The following BCL2L11 variants were observed in gnomAD, a reference collection of about 807,000 sequenced individuals.
BCL2L11 encodes the protein bcl-2-like protein 11.
A neutral mutation model predicts 20.6 loss-of-function variants in BCL2L11; 15 were observed. The ratio of observed to expected loss-of-function variants is 0.73; its 90% CI spans 0.49 to 1.12. BCL2L11 has a LOEUF of 1.12. BCL2L11 is among the 50% of genes most tolerant of loss of function. BCL2L11 has a pLI of 0.00. For synonymous variants in BCL2L11, 108 were observed against 92.8 expected (o/e 1.16, Z -0.94); for missense variants, 292 against 260.9 (o/e 1.12, Z -0.82).
chr2:111,159,157 G>A (rs916148885), intron 3 of BCL2L11, among the ~76,000 whole-genome samples: 2 of 152,222 alleles, frequency 1.3e-5, no homozygotes, highest in African/African-American at 4.8e-5. Context: ...CACAGGCACA[G>A]GCACAGGGTG....
intron 3 of BCL2L11, chr2:111,161,321 G>GT (rs2078518670): frequency 7.0e-7 from 1 of 1,429,642 alleles, no homozygotes. Flanking sequence ...TATTTTAATA[G>GT]TTTTTTAAAA....
intron 2 of BCL2L11, chr2:111,130,327 C>A (rs1427093614): frequency 8.1e-6 from 2 of 247,134 alleles, no homozygotes; most frequent in African/African-American, 4.8e-5. Context: ...TGGTCTCGAA[C>A]TCCTGACCTC....
chr2:111,159,540 A>G (rs6743841), intron 3 of BCL2L11, among the ~76,000 whole-genome samples: 3,969 of 152,288 alleles, frequency 0.026, 164 homozygotes, highest in African/African-American at 0.089. Context: ...GCTGCATTCT[A>G]TAGTTGTCTG....
intron 2 of BCL2L11, among the ~76,000 whole-genome samples, chr2:111,148,575 A>T (rs1002426692): frequency 1.3e-5 from 2 of 152,210 alleles, no homozygotes; most frequent in African/African-American, 4.8e-5. Context: ...GTATGATTGG[A>T]TGTATTCAGA....
At chr2:111,123,222 T>C in intron 1 of BCL2L11, 1 of 985,460 alleles carries the variant, frequency 1.0e-6, no homozygotes, top group South Asian at 4.7e-5. Flanking sequence ...GTGACGCACT[T>C]ACTACGACTG....
At chr2:111,137,406 TGTG>T (rs773782459) in intron 2 of BCL2L11, among the ~76,000 whole-genome samples, 6 of 152,190 alleles carry the variant, frequency 3.9e-5, no homozygotes, top group Non-Finnish European at 8.8e-5. Flanking sequence ...GTATTCCTCA[TGTG>T]GTGACATTTC....
At chr2:111,147,384 A>ACACACACC (rs2076691497) in intron 2 of BCL2L11, among the ~76,000 whole-genome samples, 1 of 148,090 alleles carries the variant, frequency 6.8e-6, no homozygotes, top group African/African-American at 2.5e-5. Context: ...ACACACACAC[A>ACACACACC]CACACACCCG....
chr2:111,147,596 C>T (rs2076732850), intron 2 of BCL2L11, among the ~76,000 whole-genome samples: 1 of 152,168 alleles, frequency 6.6e-6, no homozygotes, highest in African/African-American at 2.4e-5. Flanking sequence ...TACCTGCTGG[C>T]TAGGTTGAAT....
chr2:111,140,358 T>C (rs557089441), intron 2 of BCL2L11, among the ~76,000 whole-genome samples: 79 of 152,266 alleles, frequency 5.2e-4, no homozygotes, highest in Admixed American at 1.2e-3. Context: ...TGGGGCCTTT[T>C]CCCCCCAAAA....
rs550162363 is a variant in BCL2L11 at position 111,156,692 on chromosome 2, C to T, written c.498+6545C>T. On this transcript the variant is annotated intron_variant, in intron 3 of 3. Coordinates refer to ENST00000393256, the MANE Select transcript of BCL2L11 (RefSeq NM_138621.5). ...TGATCTCGTAGGAAAACACGACTCA[C>T]AGAGAAGTGTGGGGACTTTGGGGTC... Among the ~76,000 whole-genome samples the T allele has an allele frequency of 3.3e-5, 5 of 152,228 alleles. No individual in the cohort carries two copies. In the South Asian group the frequency reaches 1.0e-3, roughly 32 times the overall value.
intron 2 of BCL2L11, among the ~76,000 whole-genome samples, chr2:111,125,771 G>A (rs1409506977): frequency 6.6e-6 from 1 of 152,118 alleles, no homozygotes; most frequent in Non-Finnish European, 1.5e-5. Context: ...AATGCCAGGA[G>A]GTAATTTTTT....
In BCL2L11 at chr2:111,123,724, T is replaced by C; in HGVS notation, c.-13-9T>C. 2.1e-6 allele frequency: 3 copies of C among 1,397,888 alleles called. No individual in the cohort carries two copies. The highest frequency in any genetic ancestry group is 2.8e-6 in the Non-Finnish European group (3 of 1,069,648). The allele number at this position is 1,397,888 out of a possible 1,614,324, so 86.6% of individuals were successfully genotyped here. A position where few individuals can be genotyped will look rare whatever the true frequency, so the allele number is the denominator to read the frequency against. On this transcript the variant is annotated splice_polypyrimidine_tract_variant and intron_variant, in intron 1 of 3. Transcript: ENST00000393256. The stretch of plus-strand genomic sequence containing the variant: ...CTTAAAATAATCTTAGTTTTTATTT[T>C]ACTTGCAGAAAAAAAGACCAAATGG...
chr2:111,137,136 A>G (rs1190459709), intron 2 of BCL2L11, among the ~76,000 whole-genome samples: 1 of 152,208 alleles, frequency 6.6e-6, no homozygotes, highest in Non-Finnish European at 1.5e-5. Context: ...TTTTATATTT[A>G]GAGTACTTGT....
At chr2:111,131,959 T>G (rs1329236909) in intron 2 of BCL2L11, 1 of 152,120 alleles carries the variant, frequency 6.6e-6, no homozygotes, top group Admixed American at 6.5e-5. Context: ...AAAATAGAAA[T>G]CTTGGAGGCA....
At chr2:111,146,619 G>A (rs758068520) in intron 2 of BCL2L11, among the ~76,000 whole-genome samples, 3 of 152,136 alleles carry the variant, frequency 2.0e-5, no homozygotes, top group East Asian at 1.9e-4. Context: ...CGTGCTGATC[G>A]GTGCCACTGT....
intron 1 of BCL2L11, chr2:111,122,767 C>G (rs2071404180): frequency 1.0e-6 from 1 of 985,248 alleles, no homozygotes; most frequent in Non-Finnish European, 1.2e-6. Context: ...GGGCTTTGCG[C>G]TGCGCCGGGG....
At chr2:111,159,733 T>C (rs1283127747) in intron 3 of BCL2L11, among the ~76,000 whole-genome samples, 1 of 152,232 alleles carries the variant, frequency 6.6e-6, no homozygotes, top group Non-Finnish European at 1.5e-5. Flanking sequence ...CTGCACTTAA[T>C]GTTCCTCGCT....
Position 111,124,006 on chromosome 2 carries a change from C to A in BCL2L11, c.261C>A (p.Ser87=). The change falls in exon 2 of 4, where the codon TCC becomes TCA. Residue 87 remains serine (S), a synonymous_variant. Transcript: ENST00000393256. ...TTTTCATCTTTATGAGAAGATCCTC[C>A]CTGCTGTCTCGATCCTCCAGTGGGT... is the stretch of plus-strand genomic sequence containing the variant. ...SPLFIFMRRS[S]LLSRSSSGYF... 1 of 1,614,228 alleles carries A rather than the reference C, an allele frequency of 6.2e-7. No homozygotes were observed. The highest frequency in any genetic ancestry group is 2.2e-5 in the East Asian group (1 of 44,880).
intron 1 of BCL2L11, 109 bp from the exon 2 acceptor site, chr2:111,123,624 T>C (rs991893027): frequency 3.2e-6 from 4 of 1,232,292 alleles, no homozygotes; most frequent in Non-Finnish European, 4.2e-6. Context: ...TAGAACAAAG[T>C]ATTTGGGATT....
Sources: allele counts gnomAD v4.1 joint callset (sites outside exome capture counted in the v4.1 genomes callset), GRCh38; gene constraint gnomAD v4.1.1; transcripts MANE v1.5; gene names NCBI Gene and HGNC (gene_info 2026-07-23, HGNC 2026-07-21).